PCDHGB3: variants seen among roughly 807,000 people sequenced by gnomAD.
PCDHGB3 encodes the protein protocadherin gamma subfamily B, 3, also known as protocadherin gamma-B3.
In PCDHGB3, 40 loss-of-function variants were observed where a neutral mutation model predicts 59.2. That is an observed-to-expected ratio of 0.68 (90% confidence interval 0.52 to 0.88). The LOEUF (loss-of-function observed/expected upper bound fraction) is 0.88, where lower values mean the gene tolerates loss of function less well. PCDHGB3 is among the 40% of genes least tolerant of loss of function. The pLI is 0.00. For synonymous variants in PCDHGB3, 581 were observed against 503.6 expected, an observed-to-expected ratio of 1.15 and a Z score of -2.06; for missense variants, 1,309 against 1,187.9, an observed-to-expected ratio of 1.10 and a Z score of -1.50.
At position 141,490,516 on chromosome 5, in the gene PCDHGB3, G is replaced by T. The variant is rs768123119; in HGVS notation, c.2416-4291G>T. The T allele has an allele frequency of 6.2e-7, 1 of 1,613,828 alleles. No individual in the cohort carries two copies. The highest frequency in any genetic ancestry group is 2.2e-5 in the East Asian group (1 of 44,864). On this transcript the variant is annotated intron_variant, in intron 1 of 3. Transcript: ENST00000576222. This position sits in a 1 kb window ranked among gnomAD's most constrained non-coding sequence, Gnocchi z 5.4. ...ATCCCACTATATCATCGAGCTGCTG[G>T]CCAGCGATGCTGGTTCACCTTCCCT... is the stretch of plus-strand genomic sequence containing the variant.
chr5:141,500,484 C>T (rs2099800696), intron 2 of PCDHGB3, among the ~76,000 whole-genome samples: 1 of 152,304 alleles, frequency 6.6e-6, no homozygotes, highest in Non-Finnish European at 1.5e-5. Context: ...GCTGGGATTA[C>T]AGGCGTGAGC....
At chr5:141,500,499 G>A (rs531501031) in intron 2 of PCDHGB3, among the ~76,000 whole-genome samples, 11 of 151,970 alleles carry the variant, frequency 7.2e-5, no homozygotes, top group African/African-American at 2.7e-4. Context: ...GTGAGCCACC[G>A]CGCCTGGCCG....
rs762908598 is a variant in PCDHGB3 at position 141,491,157 on chromosome 5, T to A, written c.2416-3650T>A. The A allele has an allele frequency of 3.7e-6, 6 of 1,614,108 alleles. No homozygotes were observed. The Admixed American group carries it at 8.3e-5, about 22-fold the overall frequency. On this transcript the variant is annotated intron_variant, in intron 1 of 3. Transcript: ENST00000576222. The surrounding 1 kb of genome is among the most constrained non-coding windows in gnomAD (Gnocchi z 6.9). ...CCCGGGCCTTACTGGAGGATGACTC[T>A]GACACCCAGCAGGTGGTGGTCCTGG...
chr5:141,410,083 C>T (rs752701599), intron 1 of PCDHGB3: 102 of 1,612,590 alleles, frequency 6.3e-5, no homozygotes, highest in Non-Finnish European at 4.7e-5. Flanking sequence ...GGGAGGTGCG[C>T]ACGGCTCGAG....
At chr5:141,448,263 A>G (rs2098578874) in intron 1 of PCDHGB3, among the ~76,000 whole-genome samples, 1 of 152,088 alleles carries the variant, frequency 6.6e-6, no homozygotes, top group Non-Finnish European at 1.5e-5. Flanking sequence ...ATTTTACAGT[A>G]TATATACTGT....
At chr5:141,385,471 C>T in intron 1 of PCDHGB3, 4 of 1,437,776 alleles carry the variant, frequency 2.8e-6, no homozygotes, top group South Asian at 3.1e-5. Context: ...AGTGGTGACA[C>T]TTTAATATAG....
rs73265845 is a variant in PCDHGB3, at chr5:141,370,729, A to T, written c.335A>T (p.Lys112Met). Residue 112 changes from lysine (K) to methionine (M), a missense_variant, in exon 1 of 4, where the codon AAG becomes ATG. Physicochemically the swap from Lys to Met is moderately conservative, Grantham distance 95. Coordinates refer to ENST00000576222, the MANE Select transcript of PCDHGB3 (RefSeq NM_018924.5). ...CVLEFEMVAE[K>M]PLNFFHVTVL... is the part of the protein sequence containing the mutation. The stretch of plus-strand genomic sequence containing the variant: ...CTGGAATTTGAAATGGTTGCTGAAA[A>T]GCCTTTAAACTTTTTTCATGTAACT... The T allele has an allele frequency of 1.5e-3, 2,398 of 1,613,868 alleles. 32 individuals are homozygous for T. In the African/African-American group the frequency reaches 0.028, roughly 19 times the overall value.
Position 141,394,683 on chromosome 5 carries a change from G to A in PCDHGB3, c.2415+21874G>A, listed in dbSNP as rs1008097766. ...ACTCTTCTCGGTGGGTCTGCACACG[G>A]GCGAGGTGCGCACGGCGCGAGCCCT... On this transcript the variant is annotated intron_variant, in intron 1 of 3. Coordinates refer to ENST00000576222, the MANE Select transcript of PCDHGB3 (RefSeq NM_018924.5). 5 of 1,611,630 alleles carry A rather than the reference G, an allele frequency of 3.1e-6. No homozygotes were observed. In the African/African-American group the frequency reaches 5.4e-5, roughly 17 times the overall value.
intron 1 of PCDHGB3, chr5:141,428,105 G>A: frequency 1.9e-6 from 3 of 1,608,184 alleles, no homozygotes; most frequent in Admixed American, 1.7e-5. Flanking sequence ...ACCACGTGCT[G>A]CAGGCCATCG....
At chr5:141,404,484 C>G in intron 1 of PCDHGB3, 1 of 1,613,504 alleles carries the variant, frequency 6.2e-7, no homozygotes, top group East Asian at 2.2e-5. Context: ...AACTCAGACA[C>G]TGGTGTGCTG....
rs543038539 is a variant in PCDHGB3 at position 141,415,850 on chromosome 5, C to A, written c.2415+43041C>A. 7.3e-6 allele frequency: 9 copies of A among 1,230,004 alleles called. No homozygotes were observed. In the East Asian group the frequency reaches 2.6e-4, roughly 35 times the overall value. The allele number at this position is 1,230,004 out of a possible 1,614,324, so 76.2% of individuals were successfully genotyped here. ...TTTGTTATGATTAGCTTTGCAGAAC[C>A]TTGTAGTTTATAGTGTTGTTGAGTA... On this transcript the variant is annotated intron_variant, in intron 1 of 3. Coordinates refer to ENST00000576222, the MANE Select transcript of PCDHGB3 (RefSeq NM_018924.5).
intron 1 of PCDHGB3, among the ~76,000 whole-genome samples, chr5:141,444,275 G>A (rs1427489988): frequency 7.1e-6 from 1 of 141,698 alleles, no homozygotes; most frequent in Non-Finnish European, 1.5e-5. Flanking sequence ...AGGTTCAAGT[G>A]ATTCTCCTGC....
At chr5:141,382,654 A>G in intron 1 of PCDHGB3, 1 of 413,618 alleles carries the variant, frequency 2.4e-6, no homozygotes, top group Non-Finnish European at 4.3e-6. Flanking sequence ...CTTAGTAAGG[A>G]CTCACAGCGC....
At chr5:141,464,870 C>G (rs1488189681) in intron 1 of PCDHGB3, among the ~76,000 whole-genome samples, 1 of 152,126 alleles carries the variant, frequency 6.6e-6, no homozygotes, top group Non-Finnish European at 1.5e-5. Flanking sequence ...TCCCAAGTAG[C>G]TAGGACTACA....
At chr5:141,422,789 T>A (rs776409955) in intron 1 of PCDHGB3, 16 of 1,614,158 alleles carry the variant, frequency 9.9e-6, no homozygotes, top group Non-Finnish European at 1.4e-5. Context: ...CTACAATCCT[T>A]CGACTATGAG....
intron 1 of PCDHGB3, chr5:141,419,942 G>A: frequency 6.2e-7 from 1 of 1,614,070 alleles, no homozygotes. Context: ...CCTGGTGGTG[G>A]CCTTGGCCTT....
At chr5:141,463,650 A>C (rs1206605758) in intron 1 of PCDHGB3, among the ~76,000 whole-genome samples, 1 of 151,746 alleles carries the variant, frequency 6.6e-6, no homozygotes, top group Non-Finnish European at 1.5e-5. Flanking sequence ...ACGGGGTTTC[A>C]CCGTGTTAGC....
At chr5:141,478,305 C>G in intron 1 of PCDHGB3, 1 of 1,614,092 alleles carries the variant, frequency 6.2e-7, no homozygotes, top group Non-Finnish European at 8.5e-7. Context: ...TACCGAGCCC[C>G]GGTGAGCTCA....
rs1164046040 is a variant in PCDHGB3, at chr5:141,476,557, C to A, written c.2416-18250C>A. ...AAATGAAATTGGAGATTAGCGAGGC[C>A]GTGGCTCCGGGGACGCGCTTTCCGC... is the stretch of plus-strand genomic sequence containing the variant. On this transcript the variant is annotated intron_variant, in intron 1 of 3. Transcript: ENST00000576222. This position sits in a 1 kb window ranked among gnomAD's most constrained non-coding sequence, Gnocchi z 7.6. The A allele has an allele frequency of 2.5e-6, 4 of 1,614,222 alleles. No individual in the cohort carries two copies. Among genetic ancestry groups the A allele is most frequent in the Admixed American group, 3.3e-5 (2 of 60,032 alleles).
Sources: gnomAD v4.1 joint callset for allele counts (sites outside exome capture counted in the v4.1 genomes callset) on GRCh38, gnomAD v4.1.1 for gene constraint, Gnocchi (gnomAD v3.1) non-coding constraint, MANE v1.5 for transcripts, NCBI Gene and HGNC (gene_info 2026-07-23, HGNC 2026-07-21) for gene names.